COL6A5: variants seen among roughly 807,000 people sequenced by gnomAD.
COL6A5 encodes the protein collagen type VI alpha 5 chain.
A neutral mutation model predicts 65.6 loss-of-function variants in COL6A5; 48 were observed. That is an observed-to-expected ratio of 0.73 (90% CI 0.58 to 0.93). The LOEUF (loss-of-function observed/expected upper bound fraction) is 0.93, where lower values mean the gene tolerates loss of function less well. Among genes scored for constraint, COL6A5 ranks in the 40% least tolerant of loss-of-function variants. The probability of loss-of-function intolerance (pLI) is 0.00; values close to 1 mark genes in which losing one functional copy is unlikely to be tolerated. For synonymous variants in COL6A5, 291 were observed against 322.8 expected (o/e 0.90, Z 1.05); for missense variants, 914 against 928.3 (o/e 0.98, Z 0.20).
chr3:130,424,363 GA>G (rs1425418279), intron 29 of COL6A5, among the ~76,000 whole-genome samples: 1 of 151,942 alleles, frequency 6.6e-6, no homozygotes, highest in African/African-American at 2.4e-5. Flanking sequence ...TCTATTACAA[GA>G]AAAATGGCAC....
intron 12 of COL6A5, among the ~76,000 whole-genome samples, chr3:130,402,205 C>A (rs1034378906): frequency 2.0e-5 from 3 of 152,084 alleles, no homozygotes; most frequent in African/African-American, 7.2e-5. Flanking sequence ...ACTTGGGAGG[C>A]TAAGGTGGGA....
At chr3:130,404,897 C>T (rs371222503) in intron 13 of COL6A5, among the ~76,000 whole-genome samples, 17 of 152,208 alleles carry the variant, frequency 1.1e-4, no homozygotes, top group African/African-American at 2.9e-4. Context: ...ACAAGGGACA[C>T]GATGGTGAAA....
At chr3:130,426,150 A>G in intron 29 of COL6A5, 64 bp from the exon 30 acceptor site, 1 of 1,458,864 alleles carries the variant, frequency 6.9e-7, no homozygotes, top group Non-Finnish European at 9.4e-7. Flanking sequence ...GTCTTGTTTT[A>G]TTACTAAAGA....
At chr3:130,411,680 T>G (rs1440531735) in intron 20 of COL6A5, among the ~76,000 whole-genome samples, 1 of 152,164 alleles carries the variant, frequency 6.6e-6, no homozygotes, top group Admixed American at 6.5e-5. Flanking sequence ...GTATTTTTGT[T>G]GGTTTAAGAG....
chr3:130,399,856 G>A (rs545925649), intron 10 of COL6A5, among the ~76,000 whole-genome samples: 3 of 152,074 alleles, frequency 2.0e-5, no homozygotes, highest in East Asian at 3.9e-4. Flanking sequence ...AGGTTCAAGC[G>A]ATTCTCCTGC....
At chr3:130,483,321 T>C (rs931602053) in intron 7 of COL6A5, among the ~76,000 whole-genome samples, 2 of 152,146 alleles carry the variant, frequency 1.3e-5, no homozygotes, top group Admixed American at 6.6e-5. Flanking sequence ...TGTCAACTAA[T>C]GGGCAAAATA....
exon 5 of COL6A5, chr3:130,384,911 G>T: frequency 6.4e-7 from 1 of 1,550,950 alleles, no homozygotes; most frequent in South Asian, 1.2e-5. Context: ...GGAAGTGACA[G>T]AAATGTTTAG....
At chr3:130,418,140 A>G (rs956338350) in intron 24 of COL6A5, among the ~76,000 whole-genome samples, 1 of 152,146 alleles carries the variant, frequency 6.6e-6, no homozygotes, top group Non-Finnish European at 1.5e-5. Context: ...ACATATATGT[A>G]TATCAAATCA....
rs144767448 is a variant in COL6A5, at chr3:130,391,448, G to T, written c.2686G>T (p.Ala896Ser). The T allele has an allele frequency of 6.8e-4, 1,049 of 1,551,670 alleles. 2 individuals carry two copies. The African/African-American group carries it at 0.012, about 17-fold the overall frequency. ...TGGAGGGAACACCTACACTGCCAAGGCTCTCAAGCACGCAAATGCCCTGTT... is the reference window on the plus strand; with the variant it reads ...TGGAGGGAACACCTACACTGCCAAGTCTCTCAAGCACGCAAATGCCCTGTT... Residue 896 changes from alanine (A) to serine (S), a missense_variant and NMD_transcript_variant, in exon 7 of 42, where the codon GCT becomes TCT. Coordinates refer to the COL6A5 transcript ENST00000312481.
At chr3:130,376,199 T>C (rs749593467) in intron 2 of COL6A5, 38 bp from the exon 3 acceptor site, 11 of 1,533,812 alleles carry the variant, frequency 7.2e-6, no homozygotes, top group Non-Finnish European at 9.6e-6. Flanking sequence ...AAAGGTTGAA[T>C]GATAACTTTG....
chr3:130,438,311 C>A (rs1414616008), intron 1 of COL6A5, among the ~76,000 whole-genome samples: 1 of 152,160 alleles, frequency 6.6e-6, no homozygotes, highest in African/African-American at 2.4e-5. Context: ...GAGGTTTTAT[C>A]TGTTTCATTT....
chr3:130,422,698 C>G (rs1410317952), intron 27 of COL6A5, 22 bp from the exon 28 acceptor site: 21 of 1,478,420 alleles, frequency 1.4e-5, no homozygotes, highest in Non-Finnish European at 1.8e-5. Context: ...AACATCTTGA[C>G]TTTTTATATC....
chr3:130,415,743 C>G, intron 23 of COL6A5, 36 bp downstream of exon 23: 3 of 1,464,306 alleles, frequency 2.0e-6, no homozygotes, highest in Non-Finnish European at 2.7e-6. Flanking sequence ...CAATGACTCT[C>G]AACAGTTATT....
intron 13 of COL6A5, 68 bp downstream of exon 13, chr3:130,403,730 A>C (rs74481678): frequency 1.7e-4 from 149 of 901,586 alleles, no homozygotes; most frequent in South Asian, 2.8e-4. Flanking sequence ...CACACACACA[A>C]ACACACACTT....
chr3:130,440,240 A>C lies in COL6A5; in HGVS notation c.658A>C (p.Ile220Leu). 6.2e-7 allele frequency: 1 copy of C among 1,613,392 alleles called. No individual in the cohort carries two copies. Among genetic ancestry groups the C allele is most frequent in the Non-Finnish European group, 8.5e-7 (1 of 1,179,644 alleles). The change falls in exon 3 of 8, where the codon ATA becomes CTA. Residue 220 changes from isoleucine to leucine, a missense_variant. Coordinates refer to ENST00000512836, the Ensembl canonical transcript of COL6A5. ...TTCATACATGGATGTAGTCTTCCTC[A>C]TAGACAATTCTCGGAATATAGCAAA...
chr3:130,409,274 A>C, intron 17 of COL6A5, 52 bp from the exon 18 acceptor site: 1 of 1,429,340 alleles, frequency 7.0e-7, no homozygotes, highest in Admixed American at 2.4e-5. Flanking sequence ...ACTTAACACC[A>C]TTATACAAGC....
exon 4 of COL6A5, chr3:130,379,564 A>T: frequency 6.4e-7 from 1 of 1,551,444 alleles, no homozygotes. Flanking sequence ...GGAAAATTGC[A>T]TGCGACTTGG....
At chr3:130,415,510 C>G in intron 22 of COL6A5, 135 bp from the exon 23 acceptor site, 1 of 712,458 alleles carries the variant, frequency 1.4e-6, no homozygotes, top group South Asian at 2.5e-5. Context: ...ACTCTTAATA[C>G]ATGCTTAATC....
chr3:130,345,711 G>A, exon 1 of COL6A5: 1 of 398,710 alleles, frequency 2.5e-6, no homozygotes. Flanking sequence ...AAAGCCCCAG[G>A]GAAGAGCCAG....
Sources: gnomAD v4.1 joint callset for allele counts (sites outside exome capture counted in the v4.1 genomes callset) on GRCh38, gnomAD v4.1.1 for gene constraint, MANE v1.5 for transcripts, NCBI Gene and HGNC (gene_info 2026-07-23, HGNC 2026-07-21) for gene names.